The following UPF2 variants were observed in gnomAD, a reference collection of about 807,000 sequenced individuals.
The protein encoded by UPF2 is UPF2 regulator of nonsense mediated mRNA decay.
In UPF2, 17 loss-of-function variants were observed where a neutral mutation model predicts 141.4. The observed-to-expected ratio is 0.12, with a 90% CI of 0.08 to 0.18. The LOEUF is 0.18. Among genes scored for constraint, UPF2 ranks in the 10% least tolerant of loss-of-function variants. The probability of loss-of-function intolerance (pLI) is 1.00; values close to 1 mark genes in which losing one functional copy is unlikely to be tolerated. For synonymous variants in UPF2, 540 were observed against 498.0 expected, an observed-to-expected ratio of 1.08 and a Z score of -1.12; for missense variants, 1,152 against 1,515.9, an observed-to-expected ratio of 0.76 and a Z score of 3.99.
At chr10:12,033,206 C>T (rs1176214753) in intron 2 of UPF2, among the ~76,000 whole-genome samples, 3 of 152,020 alleles carry the variant, frequency 2.0e-5, no homozygotes, top group Non-Finnish European at 2.9e-5. Flanking sequence ...CAATTACAGA[C>T]TAACTTAGAA....
At position 11,956,634 on chromosome 10, in the gene UPF2, C is replaced by T. The variant is rs1425216758; in HGVS notation, c.2371-111G>A. On this transcript the variant is annotated intron_variant, in intron 12 of 21. Transcript: ENST00000357604. This position sits in a 1 kb window ranked among gnomAD's most constrained non-coding sequence, Gnocchi z 4.2. ...CAGAGAACTTTTGAAATAGAAAATA[C>T]ATTAGAAATCCTCTATCGGCCTCTT... 4 of 913,184 alleles carry T rather than the reference C, an allele frequency of 4.4e-6. No individual in the cohort carries two copies. Among genetic ancestry groups the T allele is most frequent in the Non-Finnish European group, 5.0e-6 (3 of 596,758 alleles). The allele number at this position is 913,184 out of a possible 1,614,324, so 56.6% of individuals were successfully genotyped here.
At chr10:12,001,142 C>T (rs925669191) in intron 6 of UPF2, among the ~76,000 whole-genome samples, 2 of 152,084 alleles carry the variant, frequency 1.3e-5, no homozygotes, top group African/African-American at 2.4e-5. Flanking sequence ...GGGCCGGGTG[C>T]GGTGGCTCAT....
chr10:11,985,436 G>A (rs189504530), intron 8 of UPF2, among the ~76,000 whole-genome samples: 75 of 152,196 alleles, frequency 4.9e-4, no homozygotes, highest in African/African-American at 1.7e-3. Flanking sequence ...AGGAGATGGA[G>A]ACCATCCTGG....
intron 9 of UPF2, among the ~76,000 whole-genome samples, chr10:11,972,063 C>CAAAAAAAAAAAAAAAAAAAAACAAAAAAA (rs58355538): frequency 9.9e-6 from 1 of 101,032 alleles, no homozygotes; most frequent in Non-Finnish European, 2.1e-5. Flanking sequence ...GACTCTGTCT[C>CAAAAAAAAAAAAAAAAAAAAACAAAAAAA]AAAAAAAAAA....
Position 11,982,036 on chromosome 10 carries a change from T to A in UPF2, c.1845-2871A>T, listed in dbSNP as rs1464371803. Among the ~76,000 whole-genome samples the A allele has an allele frequency of 1.6e-3, 236 of 148,846 alleles. 1 individual carries two copies. The highest frequency in any genetic ancestry group is 5.3e-3 in the African/African-American group (217 of 40,624). On this transcript the variant is annotated intron_variant, in intron 8 of 21. Coordinates refer to ENST00000357604, the MANE Select transcript of UPF2 (RefSeq NM_015542.4). ...ATAATTTCCCTACTGTTCCTACTATTAAAAAAAAAAAAGCCTGGAGCAAAT... is the reference window on the plus strand; with the variant it reads ...ATAATTTCCCTACTGTTCCTACTATAAAAAAAAAAAAAGCCTGGAGCAAAT...
intron 4 of UPF2, among the ~76,000 whole-genome samples, chr10:12,008,023 C>G (rs1365240524): frequency 4.0e-5 from 6 of 151,716 alleles, no homozygotes; most frequent in Admixed American, 3.9e-4. Flanking sequence ...GCTGGGATTA[C>G]AGGCGCACTC....
intron 11 of UPF2, among the ~76,000 whole-genome samples, chr10:11,961,691 T>C (rs958088643): frequency 1.3e-5 from 2 of 152,208 alleles, no homozygotes; most frequent in African/African-American, 2.4e-5. Flanking sequence ...TGTATCTTTT[T>C]CACTGTCACA....
At chr10:11,933,504 T>G (rs1412606727) in intron 19 of UPF2, among the ~76,000 whole-genome samples, 1 of 152,202 alleles carries the variant, frequency 6.6e-6, no homozygotes, top group Non-Finnish European at 1.5e-5. Flanking sequence ...AAATTTAAAC[T>G]AAATGCTACA....
intron 4 of UPF2, among the ~76,000 whole-genome samples, chr10:12,011,489 T>TATCTGTAGTCTCA (rs1834126836): frequency 6.6e-6 from 1 of 151,900 alleles, no homozygotes; most frequent in Admixed American, 6.6e-5. Flanking sequence ...TCCCAGTTAT[T>TATCTGTAGTCTCA]GCTTGGGAGG....
At chr10:11,938,715 A>T (rs1832884707) in intron 18 of UPF2, among the ~76,000 whole-genome samples, 1 of 151,896 alleles carries the variant, frequency 6.6e-6, no homozygotes, top group African/African-American at 2.4e-5. Flanking sequence ...CTTTGTGTAG[A>T]CCATAAATAT....
At chr10:11,993,149 C>CAAAAAAA (rs561323595) in intron 8 of UPF2, among the ~76,000 whole-genome samples, 3 of 80,542 alleles carry the variant, frequency 3.7e-5, no homozygotes, top group African/African-American at 1.5e-4. Flanking sequence ...GGCTCCACCT[C>CAAAAAAA]AAAAAAAAAA....
At chr10:11,995,559 C>T (rs1002056860) in intron 8 of UPF2, among the ~76,000 whole-genome samples, 13 of 151,878 alleles carry the variant, frequency 8.6e-5, no homozygotes, top group African/African-American at 2.7e-4. Flanking sequence ...CTGAGGCAGG[C>T]GGATCACGAA....
intron 3 of UPF2, among the ~76,000 whole-genome samples, chr10:12,015,177 A>C (rs1354168489): frequency 1.3e-5 from 2 of 152,240 alleles, no homozygotes; most frequent in East Asian, 3.8e-4. Context: ...AAATTATAAA[A>C]GTTATTTTTA....
At chr10:12,022,645 G>A (rs967685295) in intron 3 of UPF2, among the ~76,000 whole-genome samples, 3 of 152,050 alleles carry the variant, frequency 2.0e-5, no homozygotes, top group African/African-American at 4.8e-5. Flanking sequence ...CTAAAGTACA[G>A]AGAAGTAACA....
At chr10:12,032,555 C>G (rs1466912952) in intron 2 of UPF2, among the ~76,000 whole-genome samples, 2 of 151,590 alleles carry the variant, frequency 1.3e-5, no homozygotes, top group African/African-American at 4.8e-5. Context: ...CTGGGCAACA[C>G]AGCAAAACCC....
chr10:12,020,272 G>A (rs975619412), intron 3 of UPF2, among the ~76,000 whole-genome samples: 1 of 147,372 alleles, frequency 6.8e-6, no homozygotes, highest in African/African-American at 2.5e-5. Flanking sequence ...ATTTTTTTGA[G>A]ACGGAGTTTC....
rs778728935 is a variant in UPF2, at chr10:11,955,524, C to T, written c.2575-17G>A. 1 of 1,592,750 alleles carries T rather than the reference C, an allele frequency of 6.3e-7. No individual in the cohort carries two copies. The highest frequency in any genetic ancestry group is 8.5e-7 in the Non-Finnish European group (1 of 1,170,518). On this transcript the variant is annotated splice_polypyrimidine_tract_variant and intron_variant, in intron 13 of 21. Transcript: ENST00000357604. Reference sequence around the variant, plus strand: ...TTGATTAACCTAAAAGGCAACAAAACCACAGATTTTCATTAAAGAGGAGTA... The same window carrying T: ...TTGATTAACCTAAAAGGCAACAAAATCACAGATTTTCATTAAAGAGGAGTA...
intron 9 of UPF2, among the ~76,000 whole-genome samples, chr10:11,974,054 C>T (rs1289050149): frequency 2.0e-5 from 3 of 152,126 alleles, no homozygotes; most frequent in South Asian, 2.1e-4. Flanking sequence ...TCTTTTATTT[C>T]GTTGAGCAGT....
At chr10:12,021,104 T>C (rs1231916319) in intron 3 of UPF2, among the ~76,000 whole-genome samples, 1 of 152,164 alleles carries the variant, frequency 6.6e-6, no homozygotes, top group Non-Finnish European at 1.5e-5. Flanking sequence ...AAAAGTACAG[T>C]ATGAAGAAGA....
Sources: allele counts gnomAD v4.1 joint callset (sites outside exome capture counted in the v4.1 genomes callset), GRCh38; gene constraint gnomAD v4.1.1; non-coding constraint Gnocchi (gnomAD v3.1); transcripts MANE v1.5; gene names NCBI Gene and HGNC (gene_info 2026-07-23, HGNC 2026-07-21).